SERAC1: variants seen among roughly 807,000 people sequenced by gnomAD.
The protein encoded by SERAC1 is protein SERAC1.
In SERAC1, 36 loss-of-function variants were observed where a neutral mutation model predicts 85.7. That is an observed-to-expected ratio of 0.42 (90% confidence interval 0.32 to 0.55). SERAC1 has a LOEUF of 0.55. Among genes scored for constraint, SERAC1 ranks in the 20% least tolerant of loss-of-function variants. SERAC1 has a pLI of 0.11. For missense variants in SERAC1, 629 were observed against 796.2 expected (o/e 0.79, Z 2.53); for synonymous variants, 242 against 265.3 (o/e 0.91, Z 0.85).
chr6:158,133,408 T>C (rs558635677), intron 8 of SERAC1, among the ~76,000 whole-genome samples: 1 of 118,402 alleles, frequency 8.4e-6, no homozygotes, highest in Non-Finnish European at 1.7e-5. Context: ...TTTTTTGAGA[T>C]GGAGTCTCTC....
rs1784403360 is a variant in SERAC1, at chr6:158,120,850, A to G, written c.1016-275T>C. On this transcript the variant is annotated intron_variant, in intron 10 of 16. Transcript: ENST00000647468. This position sits in a 1 kb window ranked among gnomAD's most constrained non-coding sequence, Gnocchi z 4.4. ...AGAAAGCCTAACACTAATACCAATTATAGAGGTGTTCATAGCAGTTATAGA... is the reference window on the plus strand; with the variant it reads ...AGAAAGCCTAACACTAATACCAATTGTAGAGGTGTTCATAGCAGTTATAGA... Among the ~76,000 whole-genome samples the G allele has an allele frequency of 6.6e-6, 1 of 152,164 alleles. No homozygotes were observed. The highest frequency in any genetic ancestry group is 2.4e-5 in the African/African-American group (1 of 41,468).
chr6:158,114,640 GC>G, intron 15 of SERAC1, 148 bp downstream of exon 15: 1 of 1,144,470 alleles, frequency 8.7e-7, no homozygotes. Context: ...GAAAAATCAA[GC>G]CCAACCCAAA....
At chr6:158,148,829 C>T in intron 5 of SERAC1, 36 bp downstream of exon 5, 2 of 1,403,376 alleles carry the variant, frequency 1.4e-6, no homozygotes, top group East Asian at 2.3e-5. Context: ...TTTCAGATTA[C>T]TGATAAGGAT....
At chr6:158,162,961 G>C (rs991139494) in intron 1 of SERAC1, among the ~76,000 whole-genome samples, 2 of 152,190 alleles carry the variant, frequency 1.3e-5, no homozygotes, top group African/African-American at 4.8e-5. Context: ...CATGATGCAA[G>C]CTGAGACTTG....
Position 158,158,277 on chromosome 6 carries a change from A to G in SERAC1, c.87T>C (p.Asp29=). Residue 29 remains aspartate, a synonymous_variant, in exon 2 of 17, where the codon GAT becomes GAC. Transcript: ENST00000647468. ...SPPKSGTHWR[D]IRNIIKFTGS... ...AGTTGTTTAAGCTGTACTCACTGAT[A>G]TCTCTCCAGTGTGTGCCACTTTTTG... is the stretch of plus-strand genomic sequence containing the variant. The G allele has an allele frequency of 6.3e-7, 1 of 1,599,844 alleles. No homozygotes were observed.
At chr6:158,116,081 A>G in intron 14 of SERAC1, 104 bp downstream of exon 14, 1 of 852,504 alleles carries the variant, frequency 1.2e-6, no homozygotes, top group Non-Finnish European at 1.9e-6. Context: ...GGGGTAAGGG[A>G]GCCGCTATTA....
Position 158,156,403 on chromosome 6 carries a change from G to A in SERAC1, c.92-1052C>T, listed in dbSNP as rs1472782255. On this transcript the variant is annotated intron_variant, in intron 2 of 16. Coordinates refer to ENST00000647468, the MANE Select transcript of SERAC1 (RefSeq NM_032861.4). Reference sequence around the variant, plus strand: ...AGTTGTAGCCAATCGGATATAGATGGAAGTCTATAGAGATGGATCCCTCCC... The same window carrying A: ...AGTTGTAGCCAATCGGATATAGATGAAAGTCTATAGAGATGGATCCCTCCC... Among the ~76,000 whole-genome samples the A allele has an allele frequency of 2.0e-5, 3 of 152,154 alleles. No individual in the cohort carries two copies. The East Asian group carries it at 5.8e-4, about 29-fold the overall frequency.
At chr6:158,147,766 C>G (rs1310546518) in intron 5 of SERAC1, among the ~76,000 whole-genome samples, 1 of 60,334 alleles carries the variant, frequency 1.7e-5, no homozygotes, top group South Asian at 7.2e-4. Context: ...AAGGCTCTGT[C>G]TCAAAAAAAA....
chr6:158,130,005 T>C (rs886451328), intron 9 of SERAC1, among the ~76,000 whole-genome samples: 1 of 152,214 alleles, frequency 6.6e-6, no homozygotes, highest in African/African-American at 2.4e-5. Flanking sequence ...CTGTTTTTTC[T>C]TTTATCCTGT....
At chr6:158,131,727 T>C (rs1190508816) in intron 8 of SERAC1, among the ~76,000 whole-genome samples, 1 of 152,054 alleles carries the variant, frequency 6.6e-6, no homozygotes, top group Admixed American at 6.6e-5. Context: ...CCTTTAATAA[T>C]TGATCCTACA....
chr6:158,113,317 AAG>A (rs1314810031), intron 16 of SERAC1, 130 bp downstream of exon 16: 2 of 716,720 alleles, frequency 2.8e-6, no homozygotes, highest in African/African-American at 1.8e-5. Flanking sequence ...AAAAGAATAA[AAG>A]AAATCAAATC....
chr6:158,126,181 G>T (rs1248965528), intron 10 of SERAC1, among the ~76,000 whole-genome samples: 1 of 152,094 alleles, frequency 6.6e-6, no homozygotes, highest in East Asian at 1.9e-4. Context: ...AAAGAGGCAA[G>T]AAGCAAAGAC....
intron 8 of SERAC1, among the ~76,000 whole-genome samples, chr6:158,137,008 A>C (rs1312679709): frequency 6.6e-6 from 1 of 152,056 alleles, no homozygotes; most frequent in Admixed American, 6.5e-5. Context: ...AAATACAAAA[A>C]TCAGCTGGGC....
intron 8 of SERAC1, among the ~76,000 whole-genome samples, chr6:158,138,956 G>A (rs1009344462): frequency 1.3e-5 from 2 of 152,110 alleles, no homozygotes; most frequent in Admixed American, 6.5e-5. Flanking sequence ...TGCCCAAGCT[G>A]GAGTGCAGTG....
chr6:158,145,060 A>G lies in SERAC1; in HGVS notation c.488-640T>C, dbSNP rs1785022048. Among the ~76,000 whole-genome samples, 3 of 152,292 alleles carry G rather than the reference A, an allele frequency of 2.0e-5. No individual in the cohort carries two copies. The East Asian group carries it at 5.8e-4, about 29-fold the overall frequency. ...GGAGTTCAAGACCAGCCTGGCCAAC[A>G]TGGTGAAACCCTGTCTCTACTAAAA... On this transcript the variant is annotated intron_variant, in intron 6 of 16. Coordinates refer to ENST00000647468, the MANE Select transcript of SERAC1 (RefSeq NM_032861.4).
At chr6:158,145,605 C>G (rs1371115172) in intron 6 of SERAC1, among the ~76,000 whole-genome samples, 2 of 149,936 alleles carry the variant, frequency 1.3e-5, no homozygotes, top group Non-Finnish European at 3.0e-5. Context: ...ACTAACAACT[C>G]CACCTCGTGG....
At chr6:158,122,893 C>T (rs1784454846) in intron 10 of SERAC1, among the ~76,000 whole-genome samples, 1 of 152,204 alleles carries the variant, frequency 6.6e-6, no homozygotes, top group African/African-American at 2.4e-5. Context: ...CTATATATAT[C>T]AACTTCATTC....
At chr6:158,124,591 G>A (rs1044295546) in intron 10 of SERAC1, among the ~76,000 whole-genome samples, 2 of 152,114 alleles carry the variant, frequency 1.3e-5, no homozygotes, top group African/African-American at 4.8e-5. Flanking sequence ...ATGACACCTA[G>A]GCATTTCAGA....
At chr6:158,144,174 C>T (rs1784995789) in intron 7 of SERAC1, 125 bp downstream of exon 7, 1 of 699,388 alleles carries the variant, frequency 1.4e-6, no homozygotes, top group Admixed American at 3.2e-5. Context: ...GTTTTACATT[C>T]CAGTTTATCT....
Sources: allele counts gnomAD v4.1 joint callset (sites outside exome capture counted in the v4.1 genomes callset), GRCh38; gene constraint gnomAD v4.1.1; non-coding constraint Gnocchi (gnomAD v3.1); transcripts MANE v1.5; gene names NCBI Gene and HGNC (gene_info 2026-07-23, HGNC 2026-07-21).